The following SLC25A48 variants were observed in gnomAD, a reference collection of about 807,000 sequenced individuals.
SLC25A48 encodes the protein solute carrier family 25 member 48, also known as CTC-321K16.1.
A neutral mutation model predicts 32.2 loss-of-function variants in SLC25A48; 29 were observed. That is an observed-to-expected ratio of 0.90 (90% CI 0.67 to 1.23). The LOEUF (loss-of-function observed/expected upper bound fraction) is 1.23, where lower values mean the gene tolerates loss of function less well. Ranked by LOEUF, SLC25A48 falls within the 50% of genes most tolerant of loss-of-function variation. The pLI is 0.00. For synonymous variants in SLC25A48, 164 were observed against 172.3 expected (o/e 0.95, Z 0.38); for missense variants, 399 against 422.7 (o/e 0.94, Z 0.49).
intron 4 of SLC25A48, among the ~76,000 whole-genome samples, chr5:135,856,835 G>A (rs187185886): frequency 6.6e-6 from 1 of 152,346 alleles, no homozygotes; most frequent in African/African-American, 2.4e-5. Flanking sequence ...TGAGAACCCA[G>A]GCATCCAGGC....
chr5:135,782,243 A>G lies in SLC25A48; in HGVS notation c.-520-30280A>G, dbSNP rs117206226. Among the ~76,000 whole-genome samples, 57 of 115,334 alleles carry G rather than the reference A, an allele frequency of 4.9e-4. 8 individuals carry two copies. The East Asian group carries it at 0.011, about 21-fold the overall frequency. 75.7% of individuals were successfully genotyped at this position (115,334 alleles called of 152,430 possible). A position where few individuals can be genotyped will look rare whatever the true frequency, so the allele number is the denominator to read the frequency against. ...CTAATATCCAGGGAGGGAGAGGATGACATTACTCCCAATATTGCAGAGGGT... is the reference window on the plus strand; with the variant it reads ...CTAATATCCAGGGAGGGAGAGGATGGCATTACTCCCAATATTGCAGAGGGT... On this transcript the variant is annotated intron_variant, in intron 3 of 10. Transcript: ENST00000646290.
intron 4 of SLC25A48, among the ~76,000 whole-genome samples, chr5:135,828,667 C>T (rs757582131): frequency 1.3e-5 from 2 of 152,362 alleles, no homozygotes; most frequent in African/African-American, 2.4e-5. Context: ...AGGTGAGATA[C>T]AGCTAGCCCC....
At chr5:135,854,758 G>A (rs529043064) in intron 4 of SLC25A48, among the ~76,000 whole-genome samples, 7 of 152,186 alleles carry the variant, frequency 4.6e-5, no homozygotes, top group Non-Finnish European at 7.3e-5. Flanking sequence ...TTTTCTTCAA[G>A]CATTTTTCCT....
chr5:135,692,976 C>A (rs1322408656), intron 3 of SLC25A48, among the ~76,000 whole-genome samples: 1 of 152,102 alleles, frequency 6.6e-6, no homozygotes, highest in Non-Finnish European at 1.5e-5. Context: ...GAAGATGAAA[C>A]CTTAATACCA....
intron 4 of SLC25A48, chr5:135,812,996 G>C (rs966589038): frequency 1.3e-5 from 2 of 152,342 alleles, no homozygotes; most frequent in Admixed American, 1.3e-4. Flanking sequence ...GCTTAGCTAC[G>C]GGCCCCAAGC....
At chr5:135,726,131 A>G (rs1197853091) in intron 3 of SLC25A48, among the ~76,000 whole-genome samples, 6 of 152,236 alleles carry the variant, frequency 3.9e-5, no homozygotes, top group Admixed American at 3.3e-4. Flanking sequence ...CCAGGCCAGC[A>G]GTGCCTGAGT....
chr5:135,882,223 C>G (rs1234309887), intron 7 of SLC25A48, among the ~76,000 whole-genome samples: 1 of 152,236 alleles, frequency 6.6e-6, no homozygotes, highest in African/African-American at 2.4e-5. Flanking sequence ...AGGTTCCCAG[C>G]CACTGGTCTG....
chr5:135,630,216 CA>C (rs1261799409), intron 2 of SLC25A48, among the ~76,000 whole-genome samples: 2 of 152,206 alleles, frequency 1.3e-5, no homozygotes, highest in Non-Finnish European at 1.5e-5. Flanking sequence ...CCCCTGGGCT[CA>C]GCAAACTCCC....
At chr5:135,881,433 C>A (rs1762465940) in intron 7 of SLC25A48, among the ~76,000 whole-genome samples, 1 of 152,218 alleles carries the variant, frequency 6.6e-6, no homozygotes, top group African/African-American at 2.4e-5. Flanking sequence ...AGGACAAGCC[C>A]CAGAAGCTGG....
At chr5:135,635,253 A>G (rs1217625663) in intron 3 of SLC25A48, among the ~76,000 whole-genome samples, 2 of 152,214 alleles carry the variant, frequency 1.3e-5, no homozygotes, top group Non-Finnish European at 2.9e-5. Flanking sequence ...TCAGGAAATC[A>G]TCTCAAGACA....
At chr5:135,636,074 T>A (rs1029927676) in intron 3 of SLC25A48, among the ~76,000 whole-genome samples, 1 of 152,184 alleles carries the variant, frequency 6.6e-6, no homozygotes, top group Non-Finnish European at 1.5e-5. Context: ...TAGAGGTGAA[T>A]GATTCTCATG....
chr5:135,855,934 G>C (rs1760279970), intron 4 of SLC25A48, among the ~76,000 whole-genome samples: 1 of 152,158 alleles, frequency 6.6e-6, no homozygotes, highest in Admixed American at 6.5e-5. Flanking sequence ...AGCAATTTCT[G>C]CACCACAAAC....
chr5:135,647,733 T>G (rs2126922226), intron 3 of SLC25A48, among the ~76,000 whole-genome samples: 1 of 152,298 alleles, frequency 6.6e-6, no homozygotes, highest in South Asian at 2.1e-4. Flanking sequence ...TAAGCCAGCC[T>G]TTGGGCCTTC....
Position 135,835,678 on chromosome 5 carries a change from T to TAAAAAAA in SLC25A48, c.46+805_46+811dup, listed in dbSNP as rs35114794. Among the ~76,000 whole-genome samples, 26 of 70,388 alleles carry TAAAAAAA rather than the reference T, an allele frequency of 3.7e-4. 1 individual carries two copies. The highest frequency in any genetic ancestry group is 1.3e-3 in the Admixed American group (8 of 6,160). The allele number at this position is 70,388 out of a possible 152,430, so 46.2% of individuals were successfully genotyped here. ...GAAGTTTGAGGGACTTTGCTAATTG[T>TAAAAAAA]AAAAAAAAAAAAAAAAAAAAAAAAA... On this transcript the variant is annotated intron_variant, in intron 1 of 7. Transcript: ENST00000681962.
intron 3 of SLC25A48, among the ~76,000 whole-genome samples, chr5:135,806,600 A>C (rs1304821929): frequency 7.2e-6 from 1 of 139,300 alleles, no homozygotes; most frequent in Non-Finnish European, 1.5e-5. Context: ...TTTTAATATC[A>C]TAGTGTTTTC....
chr5:135,869,914 C>T (rs1484334749), intron 4 of SLC25A48, among the ~76,000 whole-genome samples: 1 of 152,186 alleles, frequency 6.6e-6, no homozygotes, highest in African/African-American at 2.4e-5. Flanking sequence ...TACTCCCTTC[C>T]CCACTGGAAG....
Position 135,871,609 on chromosome 5 carries a change from A to G in SLC25A48, c.570A>G (p.Pro190=), listed in dbSNP as rs1346583481. The G allele has an allele frequency of 2.5e-6, 4 of 1,614,200 alleles. No individual in the cohort carries two copies. The highest frequency in any genetic ancestry group is 4.5e-5 in the East Asian group (2 of 44,878). ...GASAMLLRDV[P]GYCLYFIPYV... is the part of the protein sequence containing the mutation. The stretch of plus-strand genomic sequence containing the variant: ...GTGCCATGCTGCTGAGGGATGTCCC[A>G]GGCTATTGCCTCTACTTCATCCCCT... The change falls in exon 5 of 8, where the codon CCA becomes CCG. Residue 190 remains proline, a synonymous_variant. Transcript: ENST00000681962.
At chr5:135,853,016 A>G (rs1008500607) in intron 4 of SLC25A48, among the ~76,000 whole-genome samples, 195 bp downstream of exon 4, 10 of 152,226 alleles carry the variant, frequency 6.6e-5, no homozygotes, top group African/African-American at 2.4e-4. Context: ...AAATATCACA[A>G]TAAAAGTCAC....
At chr5:135,596,309 C>G (rs1751649523) in intron 1 of SLC25A48, among the ~76,000 whole-genome samples, 1 of 152,058 alleles carries the variant, frequency 6.6e-6, no homozygotes, top group South Asian at 2.1e-4. Flanking sequence ...AGATGAAACT[C>G]CACCAGATCA....
Sources: gnomAD v4.1 joint callset for allele counts (sites outside exome capture counted in the v4.1 genomes callset) on GRCh38, gnomAD v4.1.1 for gene constraint, MANE v1.5 for transcripts, NCBI Gene and HGNC (gene_info 2026-07-23, HGNC 2026-07-21) for gene names.